Variants in CLRN1 observed in about 807,000 individuals in gnomAD.
CLRN1 encodes clarin-1.
CLRN1 carries 15 observed loss-of-function variants against 18.7 expected under a neutral mutation model. The ratio of observed to expected loss-of-function variants is 0.80; its 90% confidence interval spans 0.54 to 1.23. CLRN1 has a LOEUF of 1.23. Among genes scored for constraint, CLRN1 ranks in the 50% most tolerant of loss-of-function variants. The pLI is 0.00. For missense variants in CLRN1, 311 were observed against 277.5 expected, an observed-to-expected ratio of 1.12 and a Z score of -0.86; for synonymous variants, 104 against 102.9, an observed-to-expected ratio of 1.01 and a Z score of -0.07.
At chr3:150,939,415 G>A (rs779788175) in intron 2 of CLRN1, among the ~76,000 whole-genome samples, 1 of 152,152 alleles carries the variant, frequency 6.6e-6, no homozygotes, top group Non-Finnish European at 1.5e-5. Flanking sequence ...CCAAGCCCTA[G>A]GGGTGGTAGC....
At chr3:150,940,883 C>T (rs1279760268) in intron 2 of CLRN1, among the ~76,000 whole-genome samples, 1 of 152,130 alleles carries the variant, frequency 6.6e-6, no homozygotes, top group Non-Finnish European at 1.5e-5. Flanking sequence ...TTTATCCTTG[C>T]CCAGATACAC....
At chr3:150,959,594 C>G (rs1321020866) in intron 1 of CLRN1, among the ~76,000 whole-genome samples, 1 of 150,764 alleles carries the variant, frequency 6.6e-6, no homozygotes, top group African/African-American at 2.4e-5. Context: ...ACATCACTAC[C>G]CTCCAGCCTG....
chr3:150,944,113 C>T (rs1351549744), intron 1 of CLRN1: 10 of 525,762 alleles, frequency 1.9e-5, no homozygotes, highest in East Asian at 3.5e-5. Flanking sequence ...AACGAGCTGA[C>T]ACCTGAATGT....
chr3:150,954,011 A>G (rs1714617949), intron 1 of CLRN1, among the ~76,000 whole-genome samples: 1 of 152,234 alleles, frequency 6.6e-6, no homozygotes, highest in South Asian at 2.1e-4. Context: ...AAATTAGCAG[A>G]GCATAAAAAT....
intron 1 of CLRN1, among the ~76,000 whole-genome samples, chr3:150,957,547 G>C (rs1420825360): frequency 6.6e-6 from 1 of 152,140 alleles, no homozygotes; most frequent in Non-Finnish European, 1.5e-5. Flanking sequence ...CTTGGTGAAG[G>C]TCTATCCTCT....
intron 1 of CLRN1, among the ~76,000 whole-genome samples, chr3:150,946,152 C>G (rs890485259): frequency 5.3e-5 from 8 of 152,248 alleles, no homozygotes; most frequent in Non-Finnish European, 1.2e-4. Context: ...TAAATGAAGA[C>G]ATATGTGCAC....
At chr3:150,970,378 T>C (rs1328098870) in intron 1 of CLRN1, among the ~76,000 whole-genome samples, 2 of 152,098 alleles carry the variant, frequency 1.3e-5, no homozygotes, top group African/African-American at 2.4e-5. Context: ...CAAAGGCATG[T>C]TGATTAGAAA....
At chr3:150,957,681 C>T (rs1007688231) in intron 1 of CLRN1, among the ~76,000 whole-genome samples, 3 of 152,038 alleles carry the variant, frequency 2.0e-5, no homozygotes, top group Admixed American at 6.6e-5. Flanking sequence ...TCGGTGGGGA[C>T]GGAGTCTCGC....
chr3:150,938,613 T>C (rs1713626174), intron 2 of CLRN1, among the ~76,000 whole-genome samples: 1 of 152,140 alleles, frequency 6.6e-6, no homozygotes, highest in African/African-American at 2.4e-5. Context: ...TATTGAACAT[T>C]TTGATATTTC....
At chr3:150,961,077 T>C (rs1302248016) in intron 1 of CLRN1, among the ~76,000 whole-genome samples, 1 of 152,226 alleles carries the variant, frequency 6.6e-6, no homozygotes, top group Admixed American at 6.5e-5. Context: ...GGACAAAGCA[T>C]AAGACCTTCA....
intron 1 of CLRN1, among the ~76,000 whole-genome samples, chr3:150,970,995 GTT>G (rs1715509020): frequency 1.3e-5 from 2 of 152,164 alleles, no homozygotes; most frequent in Admixed American, 1.3e-4. Context: ...CATGAGTAAA[GTT>G]TATCTCCATT....
At chr3:150,936,603 A>T (rs1168109398) in intron 2 of CLRN1, among the ~76,000 whole-genome samples, 1 of 152,124 alleles carries the variant, frequency 6.6e-6, no homozygotes, top group Non-Finnish European at 1.5e-5. Context: ...TCCATCTCCA[A>T]TGTGATGGTA....
chr3:150,933,480 A>G (rs923978561), intron 2 of CLRN1, among the ~76,000 whole-genome samples: 2 of 152,106 alleles, frequency 1.3e-5, no homozygotes, highest in African/African-American at 4.8e-5. Flanking sequence ...TTGGAGGAAG[A>G]TTATTTCAGG....
At chr3:150,928,997 GC>G (rs1712984644) in intron 2 of CLRN1, among the ~76,000 whole-genome samples, 1 of 152,188 alleles carries the variant, frequency 6.6e-6, no homozygotes, top group African/African-American at 2.4e-5. Flanking sequence ...GACCAATGTG[GC>G]CCCAGAAATG....
intron 1 of CLRN1, among the ~76,000 whole-genome samples, chr3:150,962,547 G>A (rs932059156): frequency 6.6e-6 from 1 of 151,906 alleles, no homozygotes; most frequent in African/African-American, 2.4e-5. Flanking sequence ...TGAATCAAAT[G>A]CCATGTGCCT....
intron 2 of CLRN1, among the ~76,000 whole-genome samples, chr3:150,932,606 C>T (rs1259254660): frequency 6.6e-6 from 1 of 152,078 alleles, no homozygotes; most frequent in Non-Finnish European, 1.5e-5. Context: ...ATTTCCTTTT[C>T]AAGGAATATT....
chr3:150,937,137 G>A lies in CLRN1; in HGVS notation c.433+4445C>T, dbSNP rs1713537964. Among the ~76,000 whole-genome samples, 7 of 152,094 alleles carry A rather than the reference G, an allele frequency of 4.6e-5. 1 individual carries two copies. In the South Asian group the frequency reaches 1.5e-3, roughly 32 times the overall value. ...TAGATGATTTACCTCTTTAAGAAAT[G>A]TCTGGTGAAAGGCAATACTATTGTA... On this transcript the variant is annotated intron_variant, in intron 2 of 2. Transcript: ENST00000327047.
chr3:150,965,787 G>A (rs1037508948), intron 1 of CLRN1, among the ~76,000 whole-genome samples: 6 of 149,296 alleles, frequency 4.0e-5, no homozygotes, highest in Admixed American at 2.7e-4. Context: ...GGGAAGGAAG[G>A]TATATGGGTG....
At chr3:150,945,153 C>T (rs183209530) in intron 1 of CLRN1, among the ~76,000 whole-genome samples, 72 of 152,286 alleles carry the variant, frequency 4.7e-4, no homozygotes, top group African/African-American at 1.4e-3. Flanking sequence ...CTCCCTAGTC[C>T]TAGCCCTAGT....
Sources: gnomAD v4.1 joint callset for allele counts (sites outside exome capture counted in the v4.1 genomes callset) on GRCh38, gnomAD v4.1.1 for gene constraint, MANE v1.5 for transcripts, NCBI Gene and HGNC (gene_info 2026-07-23, HGNC 2026-07-21) for gene names.